Variants in RUFY4 observed in about 807,000 individuals in gnomAD.
The protein encoded by RUFY4 is RUN and FYVE domain-containing protein 4.
Under a neutral mutation model 69.0 loss-of-function variants are expected in RUFY4, and 73 were observed. The observed-to-expected ratio is 1.06, with a 90% CI of 0.88 to 1.29. The LOEUF (loss-of-function observed/expected upper bound fraction) is 1.29. Among genes scored for constraint, RUFY4 ranks in the 50% most tolerant of loss-of-function variants. The pLI is 0.00. For missense variants in RUFY4, 770 were observed against 705.6 expected, an observed-to-expected ratio of 1.09 and a Z score of -1.03; for synonymous variants, 287 against 271.8, an observed-to-expected ratio of 1.06 and a Z score of -0.55.
intron 7 of RUFY4, 53 bp downstream of exon 9, chr2:218,075,793 C>T (rs1007546443): frequency 6.2e-5 from 85 of 1,360,982 alleles, no homozygotes; most frequent in African/African-American, 7.4e-5. Flanking sequence ...TGACCTGGCC[C>T]ACAGATGAGG....
chr2:218,089,049 G>C (rs1284509522), intron 9 of RUFY4, among the ~76,000 whole-genome samples: 3 of 151,356 alleles, frequency 2.0e-5, no homozygotes, highest in Non-Finnish European at 4.4e-5. Context: ...CTGCGTCTCT[G>C]CTCTTGTTTC....
At chr2:218,040,919 G>A (rs989896761) in intron 2 of RUFY4, among the ~76,000 whole-genome samples, 1 of 152,036 alleles carries the variant, frequency 6.6e-6, no homozygotes, top group African/African-American at 2.4e-5. Flanking sequence ...AATCAGGATA[G>A]AATGAGAACT....
Position 218,040,810 on chromosome 2 carries a change from A to C in RUFY4, c.-1158+5416A>C, listed in dbSNP as rs534437292. 1.6e-3 allele frequency among the ~76,000 whole-genome samples: 237 copies of C among 152,248 alleles called. 7 individuals are homozygous for C. The South Asian group carries it at 0.045, about 29-fold the overall frequency. On this transcript the variant is annotated intron_variant and NMD_transcript_variant, in intron 2 of 13. Coordinates refer to the RUFY4 transcript ENST00000457754. ...TAGATCCTCAGGTCTGGCAGCAAAT[A>C]AAAGGTGGACGACTCTGTCCCTCGA... is the stretch of plus-strand genomic sequence containing the variant.
In RUFY4 at chr2:218,076,541, T is replaced by G. The variant is rs1275708576; in HGVS notation, c.1355+8T>G. 6.5e-7 allele frequency: 1 copy of G among 1,549,498 alleles called. No individual in the cohort carries two copies. The highest frequency in any genetic ancestry group is 8.7e-7 in the Non-Finnish European group (1 of 1,146,012). On this transcript the variant is annotated splice_region_variant and intron_variant, in intron 8 of 10. Transcript: ENST00000344321. Reference sequence around the variant, plus strand: ...TCGGGAGCAGCTCAGCAGGTAACCTTGGCAACCCACAGCACAGGGCACCTG... The same window carrying G: ...TCGGGAGCAGCTCAGCAGGTAACCTGGGCAACCCACAGCACAGGGCACCTG...
At chr2:218,036,418 A>T (rs745490175) in intron 2 of RUFY4, among the ~76,000 whole-genome samples, 1 of 151,536 alleles carries the variant, frequency 6.6e-6, no homozygotes, top group Non-Finnish European at 1.5e-5. Flanking sequence ...ATTATCTAGC[A>T]TCCTACGACT....
chr2:218,047,257 A>G (rs77446312), intron 2 of RUFY4, among the ~76,000 whole-genome samples: 4,201 of 152,204 alleles, frequency 0.028, 199 homozygotes, highest in African/African-American at 0.096. Context: ...GTGTCCTTTT[A>G]ACAGAGAGAA....
At chr2:218,075,717 G>A (rs1689616067) in exon 7 of RUFY4, 1 of 1,452,424 alleles carries the variant, frequency 6.9e-7, no homozygotes, top group Non-Finnish European at 9.1e-7. Flanking sequence ...GCAAGCCGAG[G>A]TGTCCCTGCA....
chr2:218,056,541 A>G (rs1270242423), intron 2 of RUFY4, among the ~76,000 whole-genome samples: 1 of 152,224 alleles, frequency 6.6e-6, no homozygotes, highest in African/African-American at 2.4e-5. Flanking sequence ...AATAAAGCCT[A>G]ACTTCAAGAT....
At chr2:218,067,656 C>T (rs540391454), upstream of RUFY4, among the ~76,000 whole-genome samples, 7 of 152,146 alleles carry the variant, frequency 4.6e-5, no homozygotes, top group South Asian at 8.3e-4. Context: ...CCCAAGAGGC[C>T]GCTTAGAAAC....
At chr2:218,070,127 C>T (rs1386106862), upstream of RUFY4, among the ~76,000 whole-genome samples, 1 of 152,152 alleles carries the variant, frequency 6.6e-6, no homozygotes, top group Non-Finnish European at 1.5e-5. Flanking sequence ...GTGGACACCC[C>T]CAGCCTAGTG....
intron 8 of RUFY4, among the ~76,000 whole-genome samples, chr2:218,082,582 CTG>C (rs1689786130): frequency 1.3e-5 from 2 of 152,194 alleles, no homozygotes; most frequent in Non-Finnish European, 2.9e-5. Flanking sequence ...GCCACACACA[CTG>C]TGCAGTTCAG....
intron 5 of RUFY4, 105 bp downstream of exon 7, chr2:218,073,491 T>C: frequency 1.4e-6 from 2 of 1,446,874 alleles, no homozygotes; most frequent in Middle Eastern, 2.0e-4. Context: ...CCCATCTGTC[T>C]CTGCCTCCTT....
chr2:218,089,465 TTTATAAAAGG>T (rs1689979052), intron 10 of RUFY4, 103 bp downstream of exon 12: 1 of 940,876 alleles, frequency 1.1e-6, no homozygotes, highest in African/African-American at 1.6e-5. Flanking sequence ...GAACTGGGTG[TTTATAAAAGG>T]CCACTTACAG....
intron 10 of RUFY4, chr2:218,089,744 G>A: frequency 1.4e-6 from 1 of 704,720 alleles, no homozygotes; most frequent in Non-Finnish European, 2.6e-6. Flanking sequence ...CTGCCATGTG[G>A]AGGTGGAGGC....
At chr2:218,077,767 A>G (rs1357065843) in intron 8 of RUFY4, among the ~76,000 whole-genome samples, 1 of 152,240 alleles carries the variant, frequency 6.6e-6, no homozygotes, top group African/African-American at 2.4e-5. Flanking sequence ...CCAGGAGCCC[A>G]GAAACCAACC....
chr2:218,080,557 T>C (rs1210160831), intron 8 of RUFY4, among the ~76,000 whole-genome samples: 1 of 152,158 alleles, frequency 6.6e-6, no homozygotes, highest in Admixed American at 6.5e-5. Context: ...TCCTCCCAGC[T>C]CAGATGCTCA....
chr2:218,089,954 T>A lies in RUFY4; in HGVS notation c.1616T>A (p.Leu539His), dbSNP rs185164216. Residue 539 changes from leucine to histidine, a missense_variant and splice_region_variant, in exon 11 of 11, where the codon CTC becomes CAC. Leu to His is a moderately conservative substitution (Grantham distance 99). Transcript: ENST00000344321. ...GCTTTCCTGCCTCTGCCTTCCAGGC[T>A]CTGTGGAGGCCTGCTCTGCCATGCT... is the stretch of plus-strand genomic sequence containing the variant. 4.9e-5 allele frequency: 77 copies of A among 1,557,884 alleles called. No homozygotes were observed. In the East Asian group the frequency reaches 1.8e-3, roughly 36 times the overall value.
intron 3 of RUFY4, among the ~76,000 whole-genome samples, chr2:218,062,728 T>C (rs1434592965): frequency 1.3e-5 from 2 of 151,868 alleles, no homozygotes; most frequent in Non-Finnish European, 2.9e-5. Flanking sequence ...TAAAATAACA[T>C]AACATAAAAT....
At position 218,089,246 on chromosome 2, in the gene RUFY4, C is replaced by T. The variant is rs1161111943; in HGVS notation, c.1503-6C>T. The T allele has an allele frequency of 6.2e-7, 1 of 1,608,382 alleles. No homozygotes were observed. The highest frequency in any genetic ancestry group is 2.2e-5 in the East Asian group (1 of 44,828). On this transcript the variant is annotated splice_region_variant and splice_polypyrimidine_tract_variant and intron_variant, in intron 9 of 10. Transcript: ENST00000344321. ...CTGTGTCTCTCCACCTTCATCCCCC[C>T]ATCAGAGAGAAGGACCGCCTGTGGC... is the stretch of plus-strand genomic sequence containing the variant.
Sources: allele counts gnomAD v4.1 joint callset (sites outside exome capture counted in the v4.1 genomes callset), GRCh38; gene constraint gnomAD v4.1.1; transcripts MANE v1.5; gene names NCBI Gene and HGNC (gene_info 2026-07-23, HGNC 2026-07-21).